The following LIPA variants were observed in gnomAD, a reference collection of about 807,000 sequenced individuals.
LIPA encodes lipase A, lysosomal acid type.
A neutral mutation model predicts 40.6 loss-of-function variants in LIPA; 26 were observed. The observed-to-expected ratio is 0.64, with a 90% CI of 0.47 to 0.89. LIPA has a LOEUF of 0.89. Among genes scored for constraint, LIPA ranks in the 40% least tolerant of loss-of-function variants. The pLI is 0.00. For synonymous variants in LIPA, 188 were observed against 168.4 expected (o/e 1.12, Z -0.90); for missense variants, 455 against 479.6 (o/e 0.95, Z 0.48).
chr10:89,237,322 A>G (rs1842917040), intron 3 of LIPA, among the ~76,000 whole-genome samples: 3 of 152,192 alleles, frequency 2.0e-5, no homozygotes, highest in African/African-American at 7.2e-5. Flanking sequence ...AAAAATTTTA[A>G]AAACTTTAAA....
intron 2 of LIPA, chr10:89,402,359 T>A (rs1287360462): frequency 6.2e-7 from 1 of 1,614,182 alleles, no homozygotes; most frequent in Non-Finnish European, 8.5e-7. Flanking sequence ...TATCCATTGA[T>A]GACGATGAAA....
rs11203092 is a variant in LIPA at position 89,361,558 on chromosome 10, G to T, written c.61+51233C>A. Among the ~76,000 whole-genome samples the T allele has an allele frequency of 2.6e-5, 4 of 152,056 alleles. No individual in the cohort carries two copies. In the South Asian group the frequency reaches 8.3e-4, roughly 32 times the overall value. ...CATCTGCTATGGCATCCTGAGAAAC[G>T]AAAGTGTCATATAGCATTGAGGAGT... On this transcript the variant is annotated intron_variant, in intron 2 of 8. Coordinates refer to the LIPA transcript ENST00000371837.
intron 1 of LIPA, among the ~76,000 whole-genome samples, chr10:89,263,529 T>C (rs1015998374): frequency 3.9e-5 from 6 of 152,210 alleles, no homozygotes; most frequent in African/African-American, 1.4e-4. Flanking sequence ...ACCAAACATA[T>C]CATGCAAAAG....
intron 2 of LIPA, among the ~76,000 whole-genome samples, chr10:89,380,305 T>C (rs937582235): frequency 5.1e-4 from 77 of 152,296 alleles, no homozygotes; most frequent in Middle Eastern, 3.4e-3. Context: ...TTCATGCTTA[T>C]TGATCAAGAC....
intron 2 of LIPA, among the ~76,000 whole-genome samples, chr10:89,357,345 C>A (rs189073473): frequency 4.6e-5 from 7 of 152,330 alleles, no homozygotes; most frequent in Admixed American, 2.0e-4. Context: ...TGGAACCAAG[C>A]ACTATGTAGC....
chr10:89,295,098 G>C (rs1433566377), intron 1 of LIPA, among the ~76,000 whole-genome samples: 2 of 119,922 alleles, frequency 1.7e-5, no homozygotes, highest in Admixed American at 1.7e-4. Context: ...AAAAAGAATG[G>C]GGAGCTATTT....
intron 2 of LIPA, among the ~76,000 whole-genome samples, chr10:89,359,401 A>G (rs1844007169): frequency 6.6e-6 from 1 of 152,264 alleles, no homozygotes; most frequent in Non-Finnish European, 1.5e-5. Context: ...GAGATTCACT[A>G]CTAAGAGGTT....
intron 1 of LIPA, chr10:89,328,123 A>G (rs1564786992): frequency 1.3e-6 from 2 of 1,598,976 alleles, no homozygotes; most frequent in Non-Finnish European, 8.6e-7. Flanking sequence ...TTTGAGTGCA[A>G]ATTGTAAGTT....
chr10:89,414,608 C>T (rs985152699), upstream of LIPA: 2 of 505,144 alleles, frequency 4.0e-6, no homozygotes, highest in Middle Eastern at 5.2e-4. Flanking sequence ...CTCCAGTTTC[C>T]TGTTCTTGCT....
chr10:89,307,131 T>C (rs1157948651), intron 1 of LIPA: 2 of 1,613,898 alleles, frequency 1.2e-6, no homozygotes, highest in Admixed American at 1.7e-5. Flanking sequence ...GACAAGGCCA[T>C]CCACCACTTT....
At chr10:89,345,575 C>T (rs1843913905), upstream of LIPA, among the ~76,000 whole-genome samples, 1 of 151,314 alleles carries the variant, frequency 6.6e-6, no homozygotes, top group Non-Finnish European at 1.5e-5. Flanking sequence ...AATAAAGGAA[C>T]AATAGTGTAT....
intron 2 of LIPA, among the ~76,000 whole-genome samples, chr10:89,399,041 C>CTT (rs58350045): frequency 0.026 from 4,010 of 151,368 alleles, 124 homozygotes; most frequent in African/African-American, 0.074. Flanking sequence ...TTATATCCTG[C>CTT]TTTTTTTTTA....
intron 2 of LIPA, chr10:89,383,901 G>C (rs866753126): frequency 6.2e-7 from 1 of 1,614,090 alleles, no homozygotes; most frequent in Non-Finnish European, 8.5e-7. Flanking sequence ...CAGCATCAGG[G>C]AGGAATAAGG....
chr10:89,214,750 T>G lies in LIPA; in HGVS notation c.*78A>C, dbSNP rs1842598192. 1.1e-6 allele frequency: 1 copy of G among 890,524 alleles called. No homozygotes were observed. The highest frequency in any genetic ancestry group is 2.0e-5 in the Admixed American group (1 of 49,010). 55.2% of individuals were successfully genotyped at this position (890,524 alleles called of 1,614,324 possible). A position where few individuals can be genotyped will look rare whatever the true frequency, so the allele number is the denominator to read the frequency against. Reference sequence around the variant, plus strand: ...AAAAGACCTGGGAAAGAAAAACAAGTGTTTTACAGAAATGAAGCAAACACA... The same window carrying G: ...AAAAGACCTGGGAAAGAAAAACAAGGGTTTTACAGAAATGAAGCAAACACA... On this transcript the variant is annotated 3_prime_UTR_variant, in exon 10 of 10. Coordinates refer to ENST00000336233, the MANE Select transcript of LIPA (RefSeq NM_000235.4).
At chr10:89,234,693 T>C (rs148127721) in intron 3 of LIPA, among the ~76,000 whole-genome samples, 1 of 152,316 alleles carries the variant, frequency 6.6e-6, no homozygotes, top group African/African-American at 2.4e-5. Flanking sequence ...CAAAGAAGGA[T>C]TTAAGGATTG....
Position 89,225,172 on chromosome 10 carries a change from CA to C in LIPA, c.594del (p.Phe198LeufsTer19). The C allele has an allele frequency of 6.2e-7, 1 of 1,613,874 alleles. No homozygotes were observed. Among genetic ancestry groups the C allele is most frequent in the Non-Finnish European group, 8.5e-7 (1 of 1,179,934 alleles). On this transcript the variant is annotated frameshift_variant, in exon 6 of 10. Transcript: ENST00000336233. LOFTEE classifies it high-confidence loss of function. The stretch of plus-strand genomic sequence containing the variant: ...GCGACGGAAGCCACAGGACCCAGGG[CA>C]AAAAACATTTTAATCCTTTTAGCCA... ...PELAKRIKMF[F>X]ALGPVASVAF...
chr10:89,359,815 T>TCACACACACACA (rs61589202), intron 2 of LIPA, among the ~76,000 whole-genome samples: 5 of 146,208 alleles, frequency 3.4e-5, no homozygotes, highest in Admixed American at 1.4e-4. Flanking sequence ...TCTCTCTCTC[T>TCACACACACACA]CACACACACA....
chr10:89,287,694 C>T (rs1220243023), intron 1 of LIPA, among the ~76,000 whole-genome samples: 4 of 152,192 alleles, frequency 2.6e-5, no homozygotes, highest in Admixed American at 6.5e-5. Context: ...TCCCATCCCA[C>T]AGCACGCTTT....
At chr10:89,251,686 G>C (rs1843124917) in intron 1 of LIPA, 51 bp downstream of exon 1, 1 of 152,436 alleles carries the variant, frequency 6.6e-6, no homozygotes, top group South Asian at 2.1e-4. Flanking sequence ...GAAGGCACCA[G>C]CTTCCACGCC....
Sources: gnomAD v4.1 joint callset for allele counts (sites outside exome capture counted in the v4.1 genomes callset) on GRCh38, gnomAD v4.1.1 for gene constraint, MANE v1.5 for transcripts, NCBI Gene and HGNC (gene_info 2026-07-23, HGNC 2026-07-21) for gene names.